Variants in RIOK2 observed in about 807,000 individuals in gnomAD.
RIOK2 encodes the protein serine/threonine-protein kinase RIO2.
RIOK2 carries 46 observed loss-of-function variants against 62.4 expected under a neutral mutation model. The observed-to-expected ratio is 0.74, with a 90% CI of 0.58 to 0.94. The LOEUF (loss-of-function observed/expected upper bound fraction) is 0.94, where lower values mean the gene tolerates loss of function less well. Among genes scored for constraint, RIOK2 ranks in the 40% least tolerant of loss-of-function variants. The probability of loss-of-function intolerance (pLI) is 0.00; values close to 1 mark genes in which losing one functional copy is unlikely to be tolerated. For synonymous variants in RIOK2, 197 were observed against 216.0 expected (o/e 0.91, Z 0.77); for missense variants, 574 against 658.0 (o/e 0.87, Z 1.40).
intron 8 of RIOK2, chr5:97,166,516 C>T: frequency 5.1e-6 from 1 of 197,044 alleles, no homozygotes; most frequent in Non-Finnish European, 1.1e-5. Flanking sequence ...TGTCATATTA[C>T]TATTTTGAAA....
chr5:97,161,670 A>G lies in RIOK2; in HGVS notation c.*1391T>C, dbSNP rs1448721077. On this transcript the variant is annotated 3_prime_UTR_variant, in exon 10 of 10. Coordinates refer to ENST00000283109, the MANE Select transcript of RIOK2 (RefSeq NM_018343.3). ...AATAGTAATGGGCTTTTTATGTAGT[A>G]GATACTCAAAAGTCAACTGAGTCAA... 6.6e-6 allele frequency: 1 copy of G among 152,180 alleles called. No individual in the cohort carries two copies. Among genetic ancestry groups the G allele is most frequent in the Non-Finnish European group, 1.5e-5 (1 of 68,020 alleles). 9.4% of individuals were successfully genotyped at this position (152,180 alleles called of 1,614,324 possible).
At chr5:97,177,928 G>A in intron 2 of RIOK2, 80 bp from the exon 3 acceptor site, 2 of 823,476 alleles carry the variant, frequency 2.4e-6, no homozygotes, top group Non-Finnish European at 3.9e-6. Context: ...TCATAAGAAA[G>A]ATTTAACAAT....
chr5:97,163,038 A>G lies in RIOK2; in HGVS notation c.*23T>C. The stretch of plus-strand genomic sequence containing the variant: ...ACAGTAACTTTAAAAAATATATTAA[A>G]CATATCCAAGATCCTAAATATATTA... On this transcript the variant is annotated 3_prime_UTR_variant, in exon 10 of 10. Transcript: ENST00000283109. The G allele has an allele frequency of 6.4e-7, 1 of 1,573,866 alleles. No individual in the cohort carries two copies. The highest frequency in any genetic ancestry group is 1.8e-5 in the Admixed American group (1 of 55,558).
chr5:97,163,665 CAT>C lies in RIOK2; in HGVS notation c.1495-442_1495-441del, dbSNP rs373400366. ...TAGCAATCACCCATGGAAAAGTCTTCATATGTCTTTTGATCATAAATTCAAGT... is the reference window on the plus strand; with the variant it reads ...TAGCAATCACCCATGGAAAAGTCTTCATGTCTTTTGATCATAAATTCAAGT... On this transcript the variant is annotated intron_variant, in intron 9 of 9. Transcript: ENST00000283109. Among the ~76,000 whole-genome samples, 346 of 152,276 alleles carry C rather than the reference CAT, an allele frequency of 2.3e-3. 2 individuals carry two copies. Among genetic ancestry groups the C allele is most frequent in the African/African-American group, 7.7e-3 (320 of 41,574 alleles).
intron 1 of RIOK2, among the ~76,000 whole-genome samples, chr5:97,180,144 A>ATG (rs1426372688): frequency 0.012 from 706 of 57,510 alleles, 26 homozygotes; most frequent in African/African-American, 0.027. Context: ...ATATATATGT[A>ATG]TATATATATA....
intron 4 of RIOK2, 90 bp downstream of exon 4, chr5:97,177,026 G>A: frequency 1.9e-6 from 2 of 1,062,022 alleles, no homozygotes; most frequent in Non-Finnish European, 2.8e-6. Flanking sequence ...GAGAGATGTG[G>A]GGACAACAGA....
intron 1 of RIOK2, among the ~76,000 whole-genome samples, chr5:97,180,759 C>G (rs1007389164): frequency 6.6e-6 from 1 of 151,518 alleles, no homozygotes; most frequent in Non-Finnish European, 1.5e-5. Context: ...GGTAGTGGTA[C>G]TGGAAGGAAG....
At chr5:97,177,379 T>C (rs1749199275) in intron 3 of RIOK2, 88 bp from the exon 4 acceptor site, 2 of 1,212,672 alleles carry the variant, frequency 1.6e-6, no homozygotes, top group African/African-American at 1.5e-5. Flanking sequence ...TTTATTTGTA[T>C]CAAAAATGTC....
At chr5:97,179,992 A>T (rs28437441) in intron 1 of RIOK2, among the ~76,000 whole-genome samples, 19 of 32,498 alleles carry the variant, frequency 5.8e-4, no homozygotes, top group African/African-American at 1.9e-3. Context: ...ATATATATAA[A>T]ATATATATAT....
intron 1 of RIOK2, among the ~76,000 whole-genome samples, chr5:97,180,876 A>G (rs1227463513): frequency 2.0e-5 from 3 of 152,156 alleles, no homozygotes; most frequent in Non-Finnish European, 4.4e-5. Flanking sequence ...AGCAAGTTTT[A>G]AGATTTTATT....
chr5:97,173,297 A>C (rs1749067205), intron 4 of RIOK2, 34 bp from the exon 5 acceptor site: 4 of 1,264,350 alleles, frequency 3.2e-6, no homozygotes, highest in African/African-American at 2.9e-5. Flanking sequence ...AAGCTAATGA[A>C]CAGGTCATTA....
Position 97,177,257 on chromosome 5 carries a change from T to C in RIOK2, c.357A>G (p.Gln119=). ...IYIVANEEGQ[Q]FALKLHRLGR... is the part of the protein sequence containing the mutation. ...CTAGTCTGTGAAGCTTTAATGCAAA[T>C]TGTTGTCCTTCTTCATTTGCAACAA... The change falls in exon 4 of 10, where the codon CAA becomes CAG. Residue 119 remains glutamine (Q), a synonymous_variant. Coordinates refer to ENST00000283109, the MANE Select transcript of RIOK2 (RefSeq NM_018343.3). 1 of 1,612,760 alleles carries C rather than the reference T, an allele frequency of 6.2e-7. No homozygotes were observed. The highest frequency in any genetic ancestry group is 8.5e-7 in the Non-Finnish European group (1 of 1,179,640).
chr5:97,168,704 T>C (rs2112829632), intron 7 of RIOK2, 56 bp downstream of exon 7: 3 of 1,073,958 alleles, frequency 2.8e-6, no homozygotes, highest in African/African-American at 1.6e-5. Context: ...TTTTTAGAAA[T>C]ACACAGACCA....
rs749580817 is a variant in RIOK2, at chr5:97,163,090, A to C, written c.1630T>G (p.Leu544Val). ...TCTCCCCAAAAGCTGGCTGCTTCCA[A>C]ACTTGATTTGATATTTTGCATGTTT... is the stretch of plus-strand genomic sequence containing the variant. ...RENMQNIKSS[L>V]EAASFWGE Residue 544 changes from leucine to valine, a missense_variant, in exon 10 of 10, where the codon TTG becomes GTG. Transcript: ENST00000283109. 47 of 1,612,954 alleles carry C rather than the reference A, an allele frequency of 2.9e-5. No homozygotes were observed. The highest frequency in any genetic ancestry group is 3.9e-5 in the Non-Finnish European group (46 of 1,179,616).
At chr5:97,183,088 T>G (rs3734010) in intron 1 of RIOK2, 38 bp downstream of exon 1, 827,319 of 1,607,812 alleles carry the variant, frequency 0.51, 213,755 homozygotes, top group East Asian at 0.59. Flanking sequence ...TCACACAGTG[T>G]TAAGGGGAAG....
At position 97,162,784 on chromosome 5, in the gene RIOK2, A is replaced by AAAAC. The variant is rs1748737247; in HGVS notation, c.*273_*276dup. 3 of 326,264 alleles carry AAAAC rather than the reference A, an allele frequency of 9.2e-6. No individual in the cohort carries two copies. The South Asian group carries it at 1.4e-4, about 15-fold the overall frequency. The allele number at this position is 326,264 out of a possible 1,614,324, so 20.2% of individuals were successfully genotyped here. On this transcript the variant is annotated 3_prime_UTR_variant, in exon 10 of 10. Coordinates refer to ENST00000283109, the MANE Select transcript of RIOK2 (RefSeq NM_018343.3). ...GTAGCATATCATCCTCAACAAACAG[A>AAAAC]AAACAACAAAAATGTTATTTAGATT...
At chr5:97,181,460 A>C (rs1401011697) in intron 1 of RIOK2, among the ~76,000 whole-genome samples, 4 of 152,132 alleles carry the variant, frequency 2.6e-5, no homozygotes, top group Non-Finnish European at 5.9e-5. Context: ...ATTCTGGGGC[A>C]AGTTCATATT....
chr5:97,182,199 C>T (rs892691613), intron 1 of RIOK2, among the ~76,000 whole-genome samples: 6 of 152,120 alleles, frequency 3.9e-5, no homozygotes, highest in Non-Finnish European at 1.5e-5. Context: ...GATTTTGTTA[C>T]TCCCCTGATT....
Position 97,179,164 on chromosome 5 carries a change from A to G in RIOK2, c.96T>C (p.Ile32=), listed in dbSNP as rs1396007907. The part of the protein sequence containing the change: ...AVEMGMKNHE[I]VPGSLIASIA... Reference sequence around the variant, plus strand: ...TAGAAGCAATCAAACTGCCGGGAACAATTTCATGGTTCTTCATGCCCATTT... The same window carrying G: ...TAGAAGCAATCAAACTGCCGGGAACGATTTCATGGTTCTTCATGCCCATTT... The change falls in exon 2 of 10, where the codon ATT becomes ATC. Residue 32 remains isoleucine (I), a synonymous_variant. Coordinates refer to ENST00000283109, the MANE Select transcript of RIOK2 (RefSeq NM_018343.3). The G allele has an allele frequency of 6.2e-7, 1 of 1,613,808 alleles. No homozygotes were observed. Among genetic ancestry groups the G allele is most frequent in the East Asian group, 2.2e-5 (1 of 44,852 alleles).
Sources: gnomAD v4.1 joint callset for allele counts (sites outside exome capture counted in the v4.1 genomes callset) on GRCh38, gnomAD v4.1.1 for gene constraint, MANE v1.5 for transcripts, NCBI Gene and HGNC (gene_info 2026-07-23, HGNC 2026-07-21) for gene names.